Variants in CFAP54 observed in about 807,000 individuals in gnomAD.
CFAP54 encodes the protein cilia- and flagella-associated protein 54.
In CFAP54, 290 loss-of-function variants were observed where a neutral mutation model predicts 370.4. The ratio of observed to expected loss-of-function variants is 0.78; its 90% confidence interval spans 0.71 to 0.86. The LOEUF is 0.86. CFAP54 is among the 40% of genes least tolerant of loss of function. The pLI, the probability that CFAP54 is intolerant of heterozygous loss-of-function variation, is 0.00. For synonymous variants in CFAP54, 1,206 were observed against 1,236.5 expected (o/e 0.98, Z 0.52); for missense variants, 3,399 against 3,528.7 (o/e 0.96, Z 0.93).
At position 96,650,232 on chromosome 12, in the gene CFAP54, G is replaced by A. The variant is rs775905757; in HGVS notation, c.4872+160G>A. Among the ~76,000 whole-genome samples the A allele has an allele frequency of 5.3e-5, 8 of 152,160 alleles. No individual in the cohort carries two copies. In the South Asian group the frequency reaches 1.4e-3, roughly 28 times the overall value. On this transcript the variant is annotated intron_variant, in intron 35 of 67. Transcript: ENST00000524981. ...GTGTATCCTAAGTCACTTTTGAGGT[G>A]TACCTGCAGTGATACTGAGGGCATG...
intron 19 of CFAP54, among the ~76,000 whole-genome samples, chr12:96,569,426 A>G (rs947777133): frequency 3.3e-5 from 5 of 152,184 alleles, no homozygotes; most frequent in African/African-American, 1.2e-4. Context: ...GCTTAGGAAA[A>G]TAAGTTTGTC....
At position 96,592,565 on chromosome 12, in the gene CFAP54, T is replaced by C; in HGVS notation, c.3288T>C (p.Ser1096=). 8.2e-7 allele frequency: 1 copy of C among 1,213,708 alleles called. No homozygotes were observed. Among genetic ancestry groups the C allele is most frequent in the Non-Finnish European group, 1.1e-6 (1 of 895,578 alleles). The allele number at this position is 1,213,708 out of a possible 1,614,324, so 75.2% of individuals were successfully genotyped here. ...TTCTTAGAAATATTTTTGTAACAAG[T>C]GACATCAAAATTAAAGAAGAAAATC... ...YLFLRNIFVT[S]DIKIKEENLF... is the part of the protein sequence containing the mutation. Residue 1096 remains serine, a synonymous_variant, in exon 24 of 68, where the codon AGT becomes AGC. Transcript: ENST00000524981.
intron 4 of CFAP54, among the ~76,000 whole-genome samples, chr12:96,512,504 G>A (rs910385862): frequency 2.0e-5 from 3 of 151,388 alleles, no homozygotes; most frequent in Admixed American, 6.6e-5. Flanking sequence ...CACCACGCCC[G>A]GCTAATTTTT....
intron 11 of CFAP54, 118 bp downstream of exon 11, chr12:96,534,345 CAA>C (rs1955479617): frequency 1.6e-6 from 1 of 618,488 alleles, no homozygotes; most frequent in East Asian, 2.8e-5. Flanking sequence ...GGCCCTGAGA[CAA>C]GAGTGTGTTT....
intron 49 of CFAP54, among the ~76,000 whole-genome samples, chr12:96,719,874 A>G (rs1957727999): frequency 6.6e-6 from 1 of 152,226 alleles, no homozygotes; most frequent in East Asian, 1.9e-4. Flanking sequence ...GGTGTCCCTT[A>G]TGGAGAAGCT....
At chr12:96,741,595 G>T (rs1237446227) in intron 51 of CFAP54, among the ~76,000 whole-genome samples, 1 of 152,150 alleles carries the variant, frequency 6.6e-6, no homozygotes, top group African/African-American at 2.4e-5. Flanking sequence ...TTGGACATGA[G>T]GAGCTGTCAG....
chr12:96,775,752 C>T (rs73383016), intron 60 of CFAP54, among the ~76,000 whole-genome samples: 4,427 of 152,070 alleles, frequency 0.029, 208 homozygotes, highest in African/African-American at 0.098. Context: ...TGAATGACAC[C>T]CTTTAACATT....
chr12:96,859,114 C>A (rs1347509961), intron 66 of CFAP54, among the ~76,000 whole-genome samples: 1 of 152,074 alleles, frequency 6.6e-6, no homozygotes, highest in Non-Finnish European at 1.5e-5. Flanking sequence ...TACCTATGAC[C>A]ATCTGATTTT....
intron 50 of CFAP54, among the ~76,000 whole-genome samples, chr12:96,727,933 T>C (rs1411251313): frequency 6.6e-6 from 1 of 151,816 alleles, no homozygotes; most frequent in Admixed American, 6.6e-5. Context: ...CCTTCACTTA[T>C]GAAGCTTAGT....
chr12:96,736,213 T>C (rs1957978686), intron 50 of CFAP54, among the ~76,000 whole-genome samples: 1 of 152,176 alleles, frequency 6.6e-6, no homozygotes, highest in Non-Finnish European at 1.5e-5. Flanking sequence ...AATCACCTCG[T>C]TCCATCTTCT....
chr12:96,630,013 A>G, intron 30 of CFAP54, 80 bp from the exon 31 acceptor site: 1 of 579,632 alleles, frequency 1.7e-6, no homozygotes, highest in Non-Finnish European at 2.9e-6. Context: ...CTTTCAGTGA[A>G]AACTTTAAAG....
In CFAP54 at chr12:96,547,905, T is replaced by C; in HGVS notation, c.2081T>C (p.Val694Ala). 6.8e-7 allele frequency: 1 copy of C among 1,471,900 alleles called. No individual in the cohort carries two copies. The highest frequency in any genetic ancestry group is 9.0e-7 in the Non-Finnish European group (1 of 1,105,078). 91.2% of individuals were successfully genotyped at this position (1,471,900 alleles called of 1,614,324 possible). Residue 694 changes from valine (V) to alanine (A), a missense_variant, in exon 15 of 68, where the codon GTA (valine) becomes GCA (alanine). Val to Ala is a moderately conservative substitution (Grantham distance 64, BLOSUM62 0). This residue lies in a region of CFAP54 where 2,796 missense variants were observed against 2,869.7 expected (regional missense o/e 0.97). Transcript: ENST00000524981. ...PGRKFKQSLD[V>A]PLREGTNKFP... Reference sequence around the variant, plus strand: ...TCCTCCTTCCTTTCTTTTCCAGATGTACCTTTAAGAGAAGGGACTAACAAA... The same window carrying C: ...TCCTCCTTCCTTTCTTTTCCAGATGCACCTTTAAGAGAAGGGACTAACAAA...
chr12:96,725,795 T>A (rs1957825337), intron 50 of CFAP54, among the ~76,000 whole-genome samples: 2 of 152,134 alleles, frequency 1.3e-5, no homozygotes, highest in African/African-American at 4.8e-5. Context: ...CCATTCAGTA[T>A]GATATTGGCT....
intron 60 of CFAP54, among the ~76,000 whole-genome samples, chr12:96,770,719 G>A (rs1958452256): frequency 6.6e-6 from 1 of 152,196 alleles, no homozygotes; most frequent in Admixed American, 6.5e-5. Context: ...TATCTTACTT[G>A]ATTTCATTTA....
intron 63 of CFAP54, among the ~76,000 whole-genome samples, chr12:96,804,939 C>T (rs562834978): frequency 7.2e-5 from 11 of 152,116 alleles, no homozygotes; most frequent in African/African-American, 2.4e-4. Flanking sequence ...GAAGTAAAAC[C>T]GTATACCTTT....
At chr12:96,847,354 C>T (rs939817860) in intron 66 of CFAP54, among the ~76,000 whole-genome samples, 2 of 152,060 alleles carry the variant, frequency 1.3e-5, no homozygotes, top group African/African-American at 4.8e-5. Context: ...TCCCTGTGCT[C>T]TACTTGTGCA....
chr12:96,638,169 A>G (rs1460129114), intron 32 of CFAP54, among the ~76,000 whole-genome samples: 2 of 150,108 alleles, frequency 1.3e-5, no homozygotes, highest in African/African-American at 4.9e-5. Context: ...TTTCTTCTAA[A>G]TATTTTAGCT....
At chr12:96,604,200 A>T (rs1430462266) in intron 26 of CFAP54, among the ~76,000 whole-genome samples, 1 of 152,214 alleles carries the variant, frequency 6.6e-6, no homozygotes, top group Non-Finnish European at 1.5e-5. Flanking sequence ...TTTTCCTTCT[A>T]ATAGGCCCCT....
chr12:96,602,184 T>C lies in CFAP54; in HGVS notation c.3639+3417T>C, dbSNP rs557904164. ...TTTGTTCCATTGCTTTCAAAGAAGA[T>C]CTTTATTTCTGCCTTCATTTTGTTA... On this transcript the variant is annotated intron_variant, in intron 26 of 67. Transcript: ENST00000524981. Among the ~76,000 whole-genome samples, 31 of 152,306 alleles carry C rather than the reference T, an allele frequency of 2.0e-4. No individual in the cohort carries two copies. In the East Asian group the frequency reaches 4.8e-3, roughly 24 times the overall value.
Sources: gnomAD v4.1 joint callset for allele counts (sites outside exome capture counted in the v4.1 genomes callset) on GRCh38, gnomAD v4.1.1 for gene constraint, gnomAD v4.1.1 regional missense constraint, MANE v1.5 for transcripts, NCBI Gene and HGNC (gene_info 2026-07-23, HGNC 2026-07-21) for gene names.